The following GRIN3B variants were observed in gnomAD, a reference collection of about 807,000 sequenced individuals.
The protein encoded by GRIN3B is glutamate ionotropic receptor NMDA type subunit 3B.
GRIN3B carries 77 observed loss-of-function variants against 66.0 expected under a neutral mutation model. The observed-to-expected ratio is 1.17, with a 90% confidence interval of 0.97 to 1.41. GRIN3B has a LOEUF of 1.41. Among genes scored for constraint, GRIN3B ranks in the 40% most tolerant of loss-of-function variants. The pLI is 0.00. For missense variants in GRIN3B, 1,787 were observed against 1,564.5 expected, an observed-to-expected ratio of 1.14 and a Z score of -2.40; for synonymous variants, 823 against 749.7, an observed-to-expected ratio of 1.10 and a Z score of -1.60.
intron 6 of GRIN3B, 83 bp from the exon 7 acceptor site, chr19:1,008,535 C>T: frequency 6.7e-7 from 1 of 1,492,434 alleles, no homozygotes; most frequent in Non-Finnish European, 9.0e-7. Flanking sequence ...TCTCTCTGGC[C>T]CAACCTGTTC....
rs1264051608 is a variant in GRIN3B at position 1,000,590 on chromosome 19, C to T, written c.153C>T (p.Ala51=). The change falls in exon 1 of 9, where the codon GCC becomes GCT. Residue 51 remains alanine (A), a synonymous_variant. Transcript: ENST00000234389. ...TGCCCCGCGCGCCTCTCGCCCGCGC[C>T]CGCGCCCGCGCCGCCCTGGCCCGGG... ...ALLPRAPLAR[A]RARAALARAA... is the part of the protein sequence containing the mutation. 2 of 1,024,826 alleles carry T rather than the reference C, an allele frequency of 2.0e-6. No homozygotes were observed. The highest frequency in any genetic ancestry group is 3.5e-5 in the African/African-American group (2 of 57,586). 63.5% of individuals were successfully genotyped at this position (1,024,826 alleles called of 1,614,324 possible). A position where few individuals can be genotyped will look rare whatever the true frequency, so the allele number is the denominator to read the frequency against.
chr19:1,003,380 T>G lies in GRIN3B; in HGVS notation c.677T>G (p.Val226Gly). Reference protein sequence around the residue: ...RARLAPMAAPVGGEAPVPAAV... With the variant: ...RARLAPMAAPGGGEAPVPAAV... ...CGCCTGGCCCCGATGGCGGCGCCAGTGGGGGGTGAAGCACCGGTACCCGCG... is the reference window on the plus strand; with the variant it reads ...CGCCTGGCCCCGATGGCGGCGCCAGGGGGGGGTGAAGCACCGGTACCCGCG... Residue 226 changes from valine to glycine, a missense_variant, in exon 2 of 9, where the codon GTG (valine) becomes GGG (glycine). By Grantham distance (109) the Val-to-Gly change is moderately radical. Transcript: ENST00000234389. The G allele has an allele frequency of 6.4e-7, 1 of 1,567,996 alleles. No homozygotes were observed. Among genetic ancestry groups the G allele is most frequent in the South Asian group, 1.2e-5 (1 of 86,156 alleles).
chr19:1,008,213 C>T lies in GRIN3B; in HGVS notation c.2388C>T (p.Ser796=). 1 of 1,612,592 alleles carries T rather than the reference C, an allele frequency of 6.2e-7. No individual in the cohort carries two copies. Among genetic ancestry groups the T allele is most frequent in the Non-Finnish European group, 8.5e-7 (1 of 1,179,678 alleles). Residue 796 remains serine (S), a synonymous_variant, in exon 6 of 9, where the codon TCC becomes TCT. Coordinates refer to ENST00000234389, the MANE Select transcript of GRIN3B (RefSeq NM_138690.3). ...CCGAGTTCATCAGCCGCTACAAGTC[C>T]TCCGGCTTCATCGACCTGCTCCACG... ...NLSEFISRYK[S]SGFIDLLHDK...
In GRIN3B at chr19:1,008,902, G is replaced by C; in HGVS notation, c.2677G>C (p.Glu893Gln). ...CACGGAGCCACCAGAGGGGTCGAAG[G>C]AGGAGACGGCAGAGGCGGAGCCCAG... ...LNTEPPEGSK[E>Q]ETAEAEPSGP... is the part of the protein sequence containing the mutation. The change falls in exon 8 of 9, where the codon GAG (glutamate) becomes CAG (glutamine). Residue 893 changes from glutamate (E) to glutamine (Q), a missense_variant. Glu to Gln is a conservative substitution (Grantham distance 29, BLOSUM62 2). Transcript: ENST00000234389. 6.2e-7 allele frequency: 1 copy of C among 1,610,382 alleles called. No individual in the cohort carries two copies. The highest frequency in any genetic ancestry group is 8.5e-7 in the Non-Finnish European group (1 of 1,178,720).
chr19:1,005,601 G>T lies in GRIN3B; in HGVS notation c.2052+48G>T. The T allele has an allele frequency of 1.4e-6, 2 of 1,446,176 alleles. No individual in the cohort carries two copies. Among genetic ancestry groups the T allele is most frequent in the Non-Finnish European group, 1.9e-6 (2 of 1,078,456 alleles). The allele number at this position is 1,446,176 out of a possible 1,614,324, so 89.6% of individuals were successfully genotyped here. The stretch of plus-strand genomic sequence containing the variant: ...GGGTGGCCTTGGGGGGCTAGCGGTG[G>T]CCCCGGGCTGGGCTGTGTGGGGCAG... On this transcript the variant is annotated intron_variant, in intron 3 of 8. Coordinates refer to ENST00000234389, the MANE Select transcript of GRIN3B (RefSeq NM_138690.3). The surrounding 1 kb of genome is among the most constrained non-coding windows in gnomAD (Gnocchi z 5.2).
chr19:1,002,465 CAAAAA>C (rs34464705), intron 1 of GRIN3B, among the ~76,000 whole-genome samples: 1 of 93,520 alleles, frequency 1.1e-5, no homozygotes, highest in Admixed American at 1.2e-4. Context: ...GACTCCATCT[CAAAAA>C]AAAAAAAAAA....
intron 8 of GRIN3B, 79 bp from the exon 9 acceptor site, chr19:1,009,094 C>G: frequency 6.9e-7 from 1 of 1,445,664 alleles, no homozygotes; most frequent in Non-Finnish European, 9.1e-7. Flanking sequence ...CCATCCTCTG[C>G]CGTCAGCGGC....
At position 1,009,606 on chromosome 19, in the gene GRIN3B, G is replaced by A. The variant is rs1165008043; in HGVS notation, c.*4G>A. 24 of 1,424,694 alleles carry A rather than the reference G, an allele frequency of 1.7e-5. No individual in the cohort carries two copies. Among genetic ancestry groups the A allele is most frequent in the Non-Finnish European group, 2.1e-5 (23 of 1,094,770 alleles). 88.3% of individuals were successfully genotyped at this position (1,424,694 alleles called of 1,614,324 possible). On this transcript the variant is annotated 3_prime_UTR_variant, in exon 9 of 9. Coordinates refer to ENST00000234389, the MANE Select transcript of GRIN3B (RefSeq NM_138690.3). The stretch of plus-strand genomic sequence containing the variant: ...CCGACCGGGGAGCCAGGAATGAGGC[G>A]GCAGCCGGGCCGTTTGGGCTCAAGA...
At position 1,003,190 on chromosome 19, in the gene GRIN3B, G is replaced by A; in HGVS notation, c.487G>A (p.Val163Met). The change falls in exon 2 of 9, where the codon GTG (valine) becomes ATG (methionine). Residue 163 changes from valine (V) to methionine (M), a missense_variant. By Grantham distance (21) the Val-to-Met change is conservative (BLOSUM62 1). Coordinates refer to ENST00000234389, the MANE Select transcript of GRIN3B (RefSeq NM_138690.3). ...SPLETLLDVL[V>M]AVLQAHAWED... ...CCTGGAGACGCTGCTGGATGTGCTG[G>A]TGGCGGTGCTGCAGGCGCACGCCTG... is the stretch of plus-strand genomic sequence containing the variant. 1 of 1,522,236 alleles carries A rather than the reference G, an allele frequency of 6.6e-7. No individual in the cohort carries two copies. 94.3% of individuals were successfully genotyped at this position (1,522,236 alleles called of 1,614,324 possible).
At chr19:1,006,346 C>T (rs1317716909) in intron 3 of GRIN3B, among the ~76,000 whole-genome samples, 1 of 151,470 alleles carries the variant, frequency 6.6e-6, no homozygotes, top group South Asian at 2.1e-4. Context: ...CGGGTTTCAC[C>T]ATGTTGGCCA....
In GRIN3B at chr19:1,009,682, C is replaced by T; in HGVS notation, c.*80C>T. ...GTCAACAGACAGTTTATTCTATATACAAACACAATTTTGTACACTGCAATT... is the reference window on the plus strand; with the variant it reads ...GTCAACAGACAGTTTATTCTATATATAAACACAATTTTGTACACTGCAATT... On this transcript the variant is annotated 3_prime_UTR_variant, in exon 9 of 9. Coordinates refer to ENST00000234389, the MANE Select transcript of GRIN3B (RefSeq NM_138690.3). 8.6e-7 allele frequency: 1 copy of T among 1,159,802 alleles called. No homozygotes were observed. The highest frequency in any genetic ancestry group is 1.1e-6 in the Non-Finnish European group (1 of 886,638). 71.8% of individuals were successfully genotyped at this position (1,159,802 alleles called of 1,614,324 possible).
chr19:1,000,908 G>A, intron 1 of GRIN3B, 45 bp downstream of exon 1: 1 of 1,343,572 alleles, frequency 7.4e-7, no homozygotes, highest in South Asian at 1.8e-5. Context: ...CCCGGGGCGG[G>A]AGCGGGGTCG....
At position 1,003,303 on chromosome 19, in the gene GRIN3B, G is replaced by A; in HGVS notation, c.600G>A (p.Gln200=). 10 of 1,572,458 alleles carry A rather than the reference G, an allele frequency of 6.4e-6. No individual in the cohort carries two copies. The highest frequency in any genetic ancestry group is 1.4e-5 in the African/African-American group (1 of 72,920). ...CAAGCCGGGCTGGCCGGCCCCCACA[G>A]CTGGTCCTGGACCTAAGCCGGCGGG... ...LWTSRAGRPP[Q]LVLDLSRRDT... The change falls in exon 2 of 9, where the codon CAG becomes CAA. Residue 200 remains glutamine, a synonymous_variant. Coordinates refer to ENST00000234389, the MANE Select transcript of GRIN3B (RefSeq NM_138690.3).
rs200925289 is a variant in GRIN3B, at chr19:1,009,204, C to G, written c.2734C>G (p.Gln912Glu). The G allele has an allele frequency of 6.8e-7, 1 of 1,464,430 alleles. No individual in the cohort carries two copies. The allele number at this position is 1,464,430 out of a possible 1,614,324, so 90.7% of individuals were successfully genotyped here. The change falls in exon 9 of 9, where the codon CAG becomes GAG. Residue 912 changes from glutamine (Q) to glutamate (E), a missense_variant. Physicochemically the swap from Gln to Glu is conservative, Grantham distance 29. Transcript: ENST00000234389. ...CGAGGTGGAGCAGCAGCAGCAGCAG[C>G]AGGACCAGCCAACGGCTCCGGAGGG... ...GPEVEQQQQQQDQPTAPEGWK... is the reference protein window; with the variant it reads ...GPEVEQQQQQEDQPTAPEGWK...
In GRIN3B at chr19:1,003,712, T is replaced by C. The variant is rs2145533414; in HGVS notation, c.1009T>C (p.Phe337Leu). Residue 337 changes from phenylalanine to leucine, a missense_variant, in exon 2 of 9, where the codon TTC (phenylalanine) becomes CTC (leucine). Physicochemically the swap from Phe to Leu is conservative, Grantham distance 22. Transcript: ENST00000234389. ...GGCCGGGCCCGAGTCCCCGGGGCGC[T>C]TCTTGGCACGGTGAGTGGGGACCCT... The part of the protein sequence containing the change: ...QPAGPESPGR[F>L]LARFLANTSF... 7.1e-7 allele frequency: 1 copy of C among 1,401,652 alleles called. No homozygotes were observed. Among genetic ancestry groups the C allele is most frequent in the Non-Finnish European group, 9.2e-7 (1 of 1,084,354 alleles). The allele number at this position is 1,401,652 out of a possible 1,614,324, so 86.8% of individuals were successfully genotyped here. A position where few individuals can be genotyped will look rare whatever the true frequency, so the allele number is the denominator to read the frequency against.
At position 1,000,677 on chromosome 19, in the gene GRIN3B, C is replaced by T. The variant is rs546823313; in HGVS notation, c.240C>T (p.Pro80=). 12 of 1,346,808 alleles carry T rather than the reference C, an allele frequency of 8.9e-6. No individual in the cohort carries two copies. Among genetic ancestry groups the T allele is most frequent in the African/African-American group, 7.6e-5 (5 of 65,476 alleles). The allele number at this position is 1,346,808 out of a possible 1,614,324, so 83.4% of individuals were successfully genotyped here. ...LSLELVVAAP[P]ARDPASLTRG... ...TGGAGCTGGTGGTCGCCGCGCCCCC[C>T]GCCCGCGACCCCGCCTCGCTGACCC... Residue 80 remains proline (P), a synonymous_variant, in exon 1 of 9, where the codon CCC becomes CCT. Coordinates refer to ENST00000234389, the MANE Select transcript of GRIN3B (RefSeq NM_138690.3).
chr19:1,008,952 C>T (rs1270218986), intron 8 of GRIN3B, 25 bp downstream of exon 8: 2 of 1,581,894 alleles, frequency 1.3e-6, no homozygotes, highest in African/African-American at 1.3e-5. Context: ...GGGCGGACCA[C>T]GATGCAGGAC....
chr19:1,002,884 AC>A (rs775609685), intron 1 of GRIN3B: 10,212 of 359,858 alleles, frequency 0.028, 19 homozygotes, highest in Middle Eastern at 0.037. Flanking sequence ...CAAAAAAAAA[AC>A]AAAAAACACC....
At position 1,004,610 on chromosome 19, in the gene GRIN3B, T is replaced by C; in HGVS notation, c.1109T>C (p.Val370Ala). The change falls in exon 3 of 9, where the codon GTG (valine) becomes GCG (alanine). Residue 370 changes from valine (V) to alanine (A), a missense_variant. Physicochemically the swap from Val to Ala is moderately conservative, Grantham distance 64. Coordinates refer to ENST00000234389, the MANE Select transcript of GRIN3B (RefSeq NM_138690.3). ...SQVHMSRHFK[V>A]WSLRRDPRGA... ...GTACACATGTCTCGGCACTTTAAGG[T>C]GTGGAGCCTTCGCCGGGACCCACGG... 1 of 1,605,026 alleles carries C rather than the reference T, an allele frequency of 6.2e-7. No individual in the cohort carries two copies. Among genetic ancestry groups the C allele is most frequent in the Non-Finnish European group, 8.5e-7 (1 of 1,176,966 alleles).
Sources: gnomAD v4.1 joint callset for allele counts (sites outside exome capture counted in the v4.1 genomes callset) on GRCh38, gnomAD v4.1.1 for gene constraint, Gnocchi (gnomAD v3.1) non-coding constraint, MANE v1.5 for transcripts, NCBI Gene and HGNC (gene_info 2026-07-23, HGNC 2026-07-21) for gene names.